The following CIAO1 variants were observed in gnomAD, a reference collection of about 807,000 sequenced individuals.
CIAO1 encodes the protein probable cytosolic iron-sulfur protein assembly protein CIAO1.
In CIAO1, 32 loss-of-function variants were observed where a neutral mutation model predicts 43.1. The observed-to-expected ratio is 0.74, with a 90% CI of 0.56 to 1.00. CIAO1 has a LOEUF of 1.00. Among genes scored for constraint, CIAO1 ranks in the 50% least tolerant of loss-of-function variants. CIAO1 has a pLI of 0.00. For synonymous variants in CIAO1, 183 were observed against 171.4 expected (o/e 1.07, Z -0.53); for missense variants, 415 against 437.4 (o/e 0.95, Z 0.46).
At chr2:96,267,953 A>T (rs189008080) in intron 4 of CIAO1, 29 bp downstream of exon 4, 3 of 1,576,506 alleles carry the variant, frequency 1.9e-6, no homozygotes, top group African/African-American at 1.3e-5. Context: ...CTCTTGTGGG[A>T]AGGGCTCTGG....
At chr2:96,270,845 G>A (rs934054004) in intron 6 of CIAO1, among the ~76,000 whole-genome samples, 1 of 151,960 alleles carries the variant, frequency 6.6e-6, no homozygotes, top group Non-Finnish European at 1.5e-5. Flanking sequence ...TATGACATGG[G>A]AAACTGCTTA....
Position 96,267,217 on chromosome 2 carries a change from C to G in CIAO1, c.140-104C>G, listed in dbSNP as rs925202330. Reference sequence around the variant, plus strand: ...TTGTAAAAGCTGTGAAATACACTCCCTGAGCTTTCCCCCACTAGCTTGATT... The same window carrying G: ...TTGTAAAAGCTGTGAAATACACTCCGTGAGCTTTCCCCCACTAGCTTGATT... On this transcript the variant is annotated intron_variant, in intron 1 of 6. Coordinates refer to ENST00000488633, the MANE Select transcript of CIAO1 (RefSeq NM_004804.3). 8.2e-6 allele frequency: 10 copies of G among 1,226,382 alleles called. No homozygotes were observed. The African/African-American group carries it at 1.2e-4, about 15-fold the overall frequency. 76.0% of individuals were successfully genotyped at this position (1,226,382 alleles called of 1,614,324 possible).
chr2:96,271,293 C>T lies in CIAO1; in HGVS notation c.962C>T (p.Ser321Phe), dbSNP rs1325288802. Residue 321 changes from serine (S) to phenylalanine (F), a missense_variant, in exon 7 of 7, where the codon TCC becomes TTC. Transcript: ENST00000488633. ...WNPKEPGLLA[S>F]CSDDGEVAFW... ...CCCAAGGAGCCAGGGCTACTGGCCT[C>T]CTGCAGTGATGATGGGGAGGTGGCC... is the stretch of plus-strand genomic sequence containing the variant. 6.2e-7 allele frequency: 1 copy of T among 1,614,210 alleles called. No homozygotes were observed. The highest frequency in any genetic ancestry group is 1.7e-5 in the Admixed American group (1 of 60,024).
Position 96,267,957 on chromosome 2 carries a change from G to C in CIAO1, c.489+33G>C, listed in dbSNP as rs200422771. ...TCAAGCAGGGACTCTTGTGGGAAGG[G>C]CTCTGGTGTGCAGGCTTGTGCCCAG... On this transcript the variant is annotated intron_variant, in intron 4 of 6. Coordinates refer to ENST00000488633, the MANE Select transcript of CIAO1 (RefSeq NM_004804.3). 5 of 1,545,898 alleles carry C rather than the reference G, an allele frequency of 3.2e-6. No individual in the cohort carries two copies. The East Asian group carries it at 6.7e-5, about 21-fold the overall frequency.
intron 4 of CIAO1, 37 bp downstream of exon 4, chr2:96,267,961 TG>T: frequency 6.5e-7 from 1 of 1,529,866 alleles, no homozygotes; most frequent in Non-Finnish European, 9.1e-7. Context: ...GGAAGGGCTC[TG>T]GTGTGCAGGC....
chr2:96,267,633 C>G lies in CIAO1; in HGVS notation c.297C>G (p.Thr99=), dbSNP rs749576987. The change falls in exon 3 of 7, where the codon ACC becomes ACG. Residue 99 remains threonine, a synonymous_variant. Transcript: ENST00000488633. ...TCTTTCCCCTTTCACAGTGTGTAAC[C>G]ACTCTCGAGGGCCATGAAAATGAGG... The part of the protein sequence containing the change: ...KKNQDDFECV[T]TLEGHENEVK... 1.9e-6 allele frequency: 3 copies of G among 1,614,022 alleles called. No homozygotes were observed. Among genetic ancestry groups the G allele is most frequent in the Non-Finnish European group, 2.5e-6 (3 of 1,179,924 alleles).
Position 96,267,689 on chromosome 2 carries a change from ACCT to A in CIAO1, c.357_359del (p.Leu120del). 6.2e-7 allele frequency: 1 copy of A among 1,613,854 alleles called. No individual in the cohort carries two copies. The highest frequency in any genetic ancestry group is 8.5e-7 in the Non-Finnish European group (1 of 1,179,988). On this transcript the variant is annotated inframe_deletion, in exon 3 of 7. Transcript: ENST00000488633. ...TCAGTGGCTTGGGCCCCATCTGGCA[ACCT>A]CCTGGCCACTTGCAGCCGAGATAAG...
chr2:96,270,988 C>A, intron 6 of CIAO1, 123 bp from the exon 7 acceptor site: 1 of 1,230,072 alleles, frequency 8.1e-7, no homozygotes, highest in Non-Finnish European at 1.1e-6. Context: ...GTTAAGGAAA[C>A]ATTTTAATAA....
chr2:96,268,708 C>T (rs1300274958), intron 5 of CIAO1, 50 bp downstream of exon 5: 2 of 1,586,714 alleles, frequency 1.3e-6, no homozygotes, highest in East Asian at 2.2e-5. Flanking sequence ...AAGGGGTTCA[C>T]AGTCTGCTAA....
intron 4 of CIAO1, 22 bp downstream of exon 4, chr2:96,267,946 T>C (rs1684470225): frequency 1.3e-6 from 2 of 1,592,486 alleles, no homozygotes; most frequent in East Asian, 2.2e-5. Context: ...GCAGGGACTC[T>C]TGTGGGAAGG....
At position 96,268,307 on chromosome 2, in the gene CIAO1, G is replaced by A. The variant is rs1280188479; in HGVS notation, c.490-150G>A. 4.1e-5 allele frequency: 28 copies of A among 684,124 alleles called. No homozygotes were observed. The Admixed American group carries it at 5.6e-4, about 14-fold the overall frequency. 42.4% of individuals were successfully genotyped at this position (684,124 alleles called of 1,614,324 possible). A position where few individuals can be genotyped will look rare whatever the true frequency, so the allele number is the denominator to read the frequency against. On this transcript the variant is annotated intron_variant, in intron 4 of 6. Coordinates refer to ENST00000488633, the MANE Select transcript of CIAO1 (RefSeq NM_004804.3). Reference sequence around the variant, plus strand: ...ACGGGGGTTACGGTGAGCCGAGATCGTGCTATTGCACTCCAGCCTGGGCAA... The same window carrying A: ...ACGGGGGTTACGGTGAGCCGAGATCATGCTATTGCACTCCAGCCTGGGCAA...
At chr2:96,268,283 C>T (rs1034785338) in intron 4 of CIAO1, among the ~76,000 whole-genome samples, 174 bp from the exon 5 acceptor site, 1 of 152,198 alleles carries the variant, frequency 6.6e-6, no homozygotes, top group Non-Finnish European at 1.5e-5. Flanking sequence ...ACCCAGGAGA[C>T]GGGGGTTACG....
Position 96,266,420 on chromosome 2 carries a change from T to G in CIAO1, c.70T>G (p.Trp24Gly). 1 of 1,558,174 alleles carries G rather than the reference T, an allele frequency of 6.4e-7. No homozygotes were observed. Among genetic ancestry groups the G allele is most frequent in the South Asian group, 1.2e-5 (1 of 86,038 alleles). Residue 24 changes from tryptophan to glycine, a missense_variant, in exon 1 of 7, where the codon TGG (tryptophan) becomes GGG (glycine). Coordinates refer to ENST00000488633, the MANE Select transcript of CIAO1 (RefSeq NM_004804.3). ...HPDSRCWFLA[W>G]NPAGTLLASC... Reference sequence around the variant, plus strand: ...GGACTCCCGCTGCTGGTTCCTGGCCTGGAACCCCGCGGGGACCCTGCTGGC... The same window carrying G: ...GGACTCCCGCTGCTGGTTCCTGGCCGGGAACCCCGCGGGGACCCTGCTGGC...
In CIAO1 at chr2:96,268,499, C is replaced by T. The variant is rs1173021812; in HGVS notation, c.532C>T (p.Arg178Trp). Residue 178 changes from arginine (R) to tryptophan (W), a missense_variant, in exon 5 of 7, where the codon CGG becomes TGG. Transcript: ENST00000488633. ...ASYDDTVKLY[R>W]EEEDDWVCCA... The stretch of plus-strand genomic sequence containing the variant: ...CTATGATGACACAGTGAAGCTGTAC[C>T]GGGAGGAAGAGGATGACTGGGTATG... 9 of 1,614,122 alleles carry T rather than the reference C, an allele frequency of 5.6e-6. No homozygotes were observed. Among genetic ancestry groups the T allele is most frequent in the East Asian group, 2.2e-5 (1 of 44,904 alleles).
Position 96,273,716 on chromosome 2 carries a change from A to G in CIAO1, c.*2365A>G, listed in dbSNP as rs1684600111. Among the ~76,000 whole-genome samples, 1 of 152,016 alleles carries G rather than the reference A, an allele frequency of 6.6e-6. No homozygotes were observed. The highest frequency in any genetic ancestry group is 2.4e-5 in the African/African-American group (1 of 41,396). The stretch of plus-strand genomic sequence containing the variant: ...TTGTAGTCTTGGTGTGGTATCAAAG[A>G]ATAGCCACAATTAGCTGAAAAGGCT... On this transcript the variant is annotated 3_prime_UTR_variant, in exon 7 of 7. Transcript: ENST00000488633.
In CIAO1 at chr2:96,271,335, G is replaced by A. The variant is rs199858380; in HGVS notation, c.1004G>A (p.Arg335Gln). The A allele has an allele frequency of 2.7e-5, 43 of 1,613,818 alleles. No homozygotes were observed. The highest frequency in any genetic ancestry group is 1.7e-4 in the Middle Eastern group (1 of 6,028). ...DGEVAFWKYQ[R>Q]PEGL is the part of the protein sequence containing the mutation. ...GAGGTGGCCTTCTGGAAGTATCAGC[G>A]GCCTGAAGGCCTCTGAGCTACCTCG... The change falls in exon 7 of 7, where the codon CGG becomes CAG. Residue 335 changes from arginine to glutamine, a missense_variant. By Grantham distance (43) the Arg-to-Gln change is conservative (BLOSUM62 1). Coordinates refer to ENST00000488633, the MANE Select transcript of CIAO1 (RefSeq NM_004804.3).
intron 6 of CIAO1, among the ~76,000 whole-genome samples, chr2:96,269,613 A>G (rs984949006): frequency 3.3e-5 from 5 of 152,088 alleles, no homozygotes; most frequent in Admixed American, 1.3e-4. Flanking sequence ...TCCAGAAGTT[A>G]TTATTGAATC....
rs1044995479 is a variant in CIAO1, at chr2:96,272,172, T to G, written c.*821T>G. The G allele has an allele frequency of 1.3e-5, 2 of 152,236 alleles. No homozygotes were observed. Among genetic ancestry groups the G allele is most frequent in the African/African-American group, 4.8e-5 (2 of 41,462 alleles). 9.4% of individuals were successfully genotyped at this position (152,236 alleles called of 1,614,324 possible). ...AGAAGGCTTCCTAGGGGACTGGCGA[T>G]TTAAACCAGTTGAGAAACACTGCCA... On this transcript the variant is annotated 3_prime_UTR_variant, in exon 7 of 7. Transcript: ENST00000488633.
At position 96,266,502 on chromosome 2, in the gene CIAO1, C is replaced by A. The variant is rs559910264; in HGVS notation, c.139+13C>A. On this transcript the variant is annotated intron_variant, in intron 1 of 6. Coordinates refer to ENST00000488633, the MANE Select transcript of CIAO1 (RefSeq NM_004804.3). ...TGGGGCACGGAGGGTAAGGCCCAGC[C>A]TGGTTGCGCGGCCCTCAGCGCTGAG... The A allele has an allele frequency of 6.0e-6, 9 of 1,488,360 alleles. No individual in the cohort carries two copies. In the South Asian group the frequency reaches 1.2e-4, roughly 19 times the overall value. 92.2% of individuals were successfully genotyped at this position (1,488,360 alleles called of 1,614,324 possible).
Sources: gnomAD v4.1 joint callset for allele counts (sites outside exome capture counted in the v4.1 genomes callset) on GRCh38, gnomAD v4.1.1 for gene constraint, MANE v1.5 for transcripts, NCBI Gene and HGNC (gene_info 2026-07-23, HGNC 2026-07-21) for gene names.